CDC25C: variants seen among roughly 807,000 people sequenced by gnomAD.
CDC25C encodes M-phase inducer phosphatase 3.
A neutral mutation model predicts 52.5 loss-of-function variants in CDC25C; 48 were observed. That is an observed-to-expected ratio of 0.91 (90% confidence interval 0.72 to 1.16). The LOEUF is 1.16. CDC25C is among the 50% of genes most tolerant of loss of function. CDC25C has a pLI of 0.00. For synonymous variants in CDC25C, 187 were observed against 206.5 expected, an observed-to-expected ratio of 0.91 and a Z score of 0.81; for missense variants, 510 against 566.1, an observed-to-expected ratio of 0.90 and a Z score of 1.01.
upstream of CDC25C, chr5:138,331,886 C>T (rs930408841): frequency 3.0e-6 from 3 of 985,658 alleles, no homozygotes; most frequent in Non-Finnish European, 3.6e-6. Flanking sequence ...CTGCGTCAGC[C>T]AATCTCCGCG....
At chr5:138,337,290 A>C (rs1276664143) in intron 1 of CDC25C, 1 of 152,554 alleles carries the variant, frequency 6.6e-6, no homozygotes, top group Non-Finnish European at 1.5e-5. Context: ...TTTAAAAAAG[A>C]CTTAAATTTT....
chr5:138,295,223 T>C (rs920634690), intron 7 of CDC25C, among the ~76,000 whole-genome samples: 4 of 152,212 alleles, frequency 2.6e-5, no homozygotes, highest in African/African-American at 4.8e-5. Context: ...GTAGCTAATA[T>C]AGTGATAATT....
upstream of CDC25C, among the ~76,000 whole-genome samples, chr5:138,336,227 G>A (rs540672188): frequency 1.1e-4 from 17 of 151,574 alleles, no homozygotes; most frequent in East Asian, 3.1e-3. Flanking sequence ...CTGCCTCCCC[G>A]GTTCAAGCGA....
At chr5:138,320,424 A>G (rs970937771) in intron 6 of CDC25C, among the ~76,000 whole-genome samples, 3 of 152,228 alleles carry the variant, frequency 2.0e-5, no homozygotes, top group Admixed American at 6.5e-5. Context: ...CAAAATGTCC[A>G]TCAACAGATG....
At chr5:138,326,981 GC>G (rs1484446172) in intron 4 of CDC25C, among the ~76,000 whole-genome samples, 1 of 149,958 alleles carries the variant, frequency 6.7e-6, no homozygotes, top group Non-Finnish European at 1.5e-5. Context: ...AAAAGGCTGG[GC>G]GCGGGGGCTC....
intron 4 of CDC25C, among the ~76,000 whole-genome samples, chr5:138,327,440 G>A (rs1230528706): frequency 6.6e-6 from 1 of 151,694 alleles, no homozygotes; most frequent in Non-Finnish European, 1.5e-5. Context: ...AGACCAGCCT[G>A]GCCAACATGG....
At chr5:138,330,228 T>C (rs11567961) in intron 2 of CDC25C, among the ~76,000 whole-genome samples, 14 of 152,066 alleles carry the variant, frequency 9.2e-5, no homozygotes, top group African/African-American at 3.4e-4. Flanking sequence ...CCAGAGTTTA[T>C]TGGCCGAGGG....
intron 7 of CDC25C, among the ~76,000 whole-genome samples, chr5:138,300,339 G>A (rs748056963): frequency 4.6e-5 from 7 of 152,142 alleles, no homozygotes; most frequent in East Asian, 1.9e-4. Context: ...TAAGACGGGT[G>A]GGTTGCTTGA....
At chr5:138,320,521 C>T (rs914227665) in intron 6 of CDC25C, among the ~76,000 whole-genome samples, 11 of 151,886 alleles carry the variant, frequency 7.2e-5, no homozygotes, top group African/African-American at 1.9e-4. Flanking sequence ...GAAGACATTA[C>T]GCTAAATGAA....
chr5:138,286,165 G>T, intron 12 of CDC25C, 32 bp from the exon 13 acceptor site: 1 of 1,535,094 alleles, frequency 6.5e-7, no homozygotes, highest in Non-Finnish European at 9.0e-7. Context: ...GGGTGGGGTG[G>T]AAAGAAACAA....
chr5:138,331,545 G>C (rs1157706702), intron 1 of CDC25C, 50 bp downstream of exon 1: 3 of 1,074,264 alleles, frequency 2.8e-6, no homozygotes, highest in Non-Finnish European at 3.4e-6. Context: ...GACCCTAAGG[G>C]GGACAATGGG....
At chr5:138,305,732 G>T (rs1757957745) in intron 7 of CDC25C, among the ~76,000 whole-genome samples, 1 of 152,176 alleles carries the variant, frequency 6.6e-6, no homozygotes, top group Admixed American at 6.5e-5. Flanking sequence ...TGTTATGGCA[G>T]ACATTTACAA....
chr5:138,323,490 G>T (rs570205133), intron 6 of CDC25C, among the ~76,000 whole-genome samples: 1 of 151,420 alleles, frequency 6.6e-6, no homozygotes, highest in African/African-American at 2.4e-5. Flanking sequence ...TGGGGGGTGG[G>T]GTAGAGATGT....
chr5:138,292,872 C>T (rs891851176), intron 7 of CDC25C, among the ~76,000 whole-genome samples: 1 of 152,162 alleles, frequency 6.6e-6, no homozygotes, highest in African/African-American at 2.4e-5. Flanking sequence ...ACAATTCTAT[C>T]CTCTGTTGCC....
At chr5:138,306,486 T>A (rs1428173669) in intron 7 of CDC25C, among the ~76,000 whole-genome samples, 3 of 151,994 alleles carry the variant, frequency 2.0e-5, no homozygotes, top group South Asian at 2.1e-4. Context: ...TTATTATTAT[T>A]ATATTTTGAG....
At position 138,331,150 on chromosome 5, in the gene CDC25C, C is replaced by G; in HGVS notation, c.31G>C (p.Glu11Gln). The G allele has an allele frequency of 1.2e-6, 2 of 1,614,170 alleles. No homozygotes were observed. The highest frequency in any genetic ancestry group is 1.7e-5 in the Admixed American group (1 of 60,018). ...GGTCCTGAGCCAGAGCTTCCTTCCTCTCTTGTGGATGAGAAGAGTTCCGTA... is the reference window on the plus strand; with the variant it reads ...GGTCCTGAGCCAGAGCTTCCTTCCTGTCTTGTGGATGAGAAGAGTTCCGTA... MSTELFSSTR[E>Q]EGSSGSGPSF... is the part of the protein sequence containing the mutation. The change falls in exon 2 of 14, where the codon GAG (glutamate) becomes CAG (glutamine). Residue 11 changes from glutamate to glutamine, a missense_variant. By Grantham distance (29) the Glu-to-Gln change is conservative (BLOSUM62 2). Transcript: ENST00000323760.
At chr5:138,300,644 A>C (rs759204311) in intron 7 of CDC25C, among the ~76,000 whole-genome samples, 1 of 152,154 alleles carries the variant, frequency 6.6e-6, no homozygotes, top group Non-Finnish European at 1.5e-5. Flanking sequence ...AACTGGACCT[A>C]CTTGACATAC....
chr5:138,314,599 A>G (rs1046084348), intron 7 of CDC25C, among the ~76,000 whole-genome samples: 1 of 140,276 alleles, frequency 7.1e-6, no homozygotes, highest in African/African-American at 2.7e-5. Context: ...CCCAGCCTAT[A>G]GCACTTTTTT....
intron 8 of CDC25C, 124 bp from the exon 9 acceptor site, chr5:138,290,864 G>A (rs2126656599): frequency 1.6e-6 from 1 of 623,202 alleles, no homozygotes; most frequent in Non-Finnish European, 2.9e-6. Flanking sequence ...CTGAGGTAGG[G>A]AGATCACTTG....
Sources: gnomAD v4.1 joint callset for allele counts (sites outside exome capture counted in the v4.1 genomes callset) on GRCh38, gnomAD v4.1.1 for gene constraint, MANE v1.5 for transcripts, NCBI Gene and HGNC (gene_info 2026-07-23, HGNC 2026-07-21) for gene names.